UBE2U: variants seen among roughly 807,000 people sequenced by gnomAD.
UBE2U encodes ubiquitin-conjugating enzyme E2 U.
In UBE2U, 39 loss-of-function variants were observed where a neutral mutation model predicts 41.2. That is an observed-to-expected ratio of 0.95 (90% confidence interval 0.73 to 1.24). The LOEUF (loss-of-function observed/expected upper bound fraction) is 1.24, where lower values mean the gene tolerates loss of function less well. UBE2U is among the 50% of genes most tolerant of loss of function. UBE2U has a pLI of 0.00. For missense variants in UBE2U, 336 were observed against 363.1 expected (o/e 0.93, Z 0.61); for synonymous variants, 107 against 117.8 (o/e 0.91, Z 0.60).
At chr1:64,255,654 A>G (rs1287589551) in intron 8 of UBE2U, among the ~76,000 whole-genome samples, 1 of 152,002 alleles carries the variant, frequency 6.6e-6, no homozygotes, top group African/African-American at 2.4e-5. Flanking sequence ...TCACATAAAC[A>G]GAACTACTGA....
At chr1:64,233,575 C>T (rs1217341586) in intron 7 of UBE2U, among the ~76,000 whole-genome samples, 1 of 152,122 alleles carries the variant, frequency 6.6e-6, no homozygotes, top group Admixed American at 6.5e-5. Flanking sequence ...TTTATTTCTC[C>T]TCTAAGCCAC....
chr1:64,204,566 T>C (rs1651170067), intron 1 of UBE2U, among the ~76,000 whole-genome samples: 1 of 152,244 alleles, frequency 6.6e-6, no homozygotes, highest in Non-Finnish European at 1.5e-5. Context: ...TGTGTTCCAC[T>C]GCTTACTGTC....
chr1:64,239,168 A>G (rs559044792), intron 7 of UBE2U, among the ~76,000 whole-genome samples: 2,524 of 71,640 alleles, frequency 0.035, 61 homozygotes, highest in Non-Finnish European at 0.05. Flanking sequence ...AAGAAGAAGA[A>G]GAAGAAGAAG....
At chr1:64,206,706 G>A (rs973238712) in intron 2 of UBE2U, 58 bp from the exon 3 acceptor site, 4 of 1,057,262 alleles carry the variant, frequency 3.8e-6, no homozygotes, top group Non-Finnish European at 5.7e-6. Flanking sequence ...TGTTAATCAG[G>A]TTACAGTTAA....
At position 64,208,603 on chromosome 1, in the gene UBE2U, C is replaced by CAAAAAAAAA. The variant is rs56972795; in HGVS notation, c.241+1782_241+1790dup. Reference sequence around the variant, plus strand: ...TGGGCAACAGAACAAGACGCTGTCTCAAAAAAAAAAAAAAAAAAAAAAAAA... The same window carrying CAAAAAAAAA: ...TGGGCAACAGAACAAGACGCTGTCTCAAAAAAAAAAAAAAAAAAAAAAAAAAAAAAAAAA... On this transcript the variant is annotated intron_variant, in intron 3 of 9. Transcript: ENST00000371077. Among the ~76,000 whole-genome samples the CAAAAAAAAA allele has an allele frequency of 2.7e-4, 10 of 36,506 alleles. 1 individual carries two copies. Among genetic ancestry groups the CAAAAAAAAA allele is most frequent in the African/African-American group, 3.7e-4 (3 of 8,048 alleles). 23.9% of individuals were successfully genotyped at this position (36,506 alleles called of 152,430 possible). A position where few individuals can be genotyped will look rare whatever the true frequency, so the allele number is the denominator to read the frequency against.
chr1:64,249,567 A>G (rs1373805053), intron 8 of UBE2U, among the ~76,000 whole-genome samples: 2 of 151,982 alleles, frequency 1.3e-5, no homozygotes, highest in African/African-American at 2.4e-5. Flanking sequence ...AAAAACATGA[A>G]TATGATGAAA....
chr1:64,257,486 T>G (rs1645112784), intron 8 of UBE2U, among the ~76,000 whole-genome samples: 1 of 152,142 alleles, frequency 6.6e-6, no homozygotes, highest in Non-Finnish European at 1.5e-5. Context: ...TCGGAAGCCA[T>G]TATCCTCAGC....
In UBE2U at chr1:64,234,363, T is replaced by A. The variant is rs139249289; in HGVS notation, c.595+1714T>A. Among the ~76,000 whole-genome samples, 381 of 152,310 alleles carry A rather than the reference T, an allele frequency of 2.5e-3. 1 individual carries two copies. Among genetic ancestry groups the A allele is most frequent in the African/African-American group, 8.0e-3 (331 of 41,572 alleles). On this transcript the variant is annotated intron_variant, in intron 7 of 9. Coordinates refer to ENST00000371077, the MANE Select transcript of UBE2U (RefSeq NM_001366232.2). Reference sequence around the variant, plus strand: ...TCTCTTTATCTCTCTCATTAAGCCTTGTTGATTTTTATCTGCTGCAACATT... The same window carrying A: ...TCTCTTTATCTCTCTCATTAAGCCTAGTTGATTTTTATCTGCTGCAACATT...
chr1:64,247,229 C>T (rs1000339862), intron 8 of UBE2U, among the ~76,000 whole-genome samples: 1 of 152,142 alleles, frequency 6.6e-6, no homozygotes, highest in African/African-American at 2.4e-5. Flanking sequence ...CAATTTCTCT[C>T]TCCAATGTAG....
intron 8 of UBE2U, among the ~76,000 whole-genome samples, chr1:64,245,485 T>A (rs1431018610): frequency 1.3e-5 from 2 of 152,210 alleles, no homozygotes; most frequent in East Asian, 1.9e-4. Context: ...ATAAAACTTA[T>A]CAGTCCTGGT....
At chr1:64,234,448 T>C (rs954906863) in intron 7 of UBE2U, among the ~76,000 whole-genome samples, 4 of 152,228 alleles carry the variant, frequency 2.6e-5, no homozygotes, top group African/African-American at 9.6e-5. Flanking sequence ...AGTCTCTTTA[T>C]ATTTCATCTC....
intron 4 of UBE2U, 46 bp downstream of exon 4, chr1:64,210,885 C>A (rs775587685): frequency 3.7e-6 from 5 of 1,341,702 alleles, no homozygotes; most frequent in African/African-American, 1.5e-5. Context: ...CTTTTAATTA[C>A]CCTAATTATT....
In UBE2U at chr1:64,204,395, C is replaced by G. The variant is rs1165000067; in HGVS notation, c.66+279C>G. ...TCAGGGTCTGTCATGTAGTTAGTGA[C>G]TAGTAGGTGCAGGCTTATGCTCATT... is the stretch of plus-strand genomic sequence containing the variant. On this transcript the variant is annotated intron_variant, in intron 1 of 9. Coordinates refer to ENST00000371077, the MANE Select transcript of UBE2U (RefSeq NM_001366232.2). Among the ~76,000 whole-genome samples, 3 of 152,056 alleles carry G rather than the reference C, an allele frequency of 2.0e-5. No individual in the cohort carries two copies. In the East Asian group the frequency reaches 5.8e-4, roughly 29 times the overall value.
chr1:64,212,164 CA>C (rs938746398), intron 4 of UBE2U, among the ~76,000 whole-genome samples: 1 of 152,030 alleles, frequency 6.6e-6, no homozygotes, highest in Non-Finnish European at 1.5e-5. Flanking sequence ...GACATTTGAG[CA>C]AAAAATTTAA....
At chr1:64,225,879 G>A (rs1570022389) in intron 6 of UBE2U, among the ~76,000 whole-genome samples, 1 of 152,224 alleles carries the variant, frequency 6.6e-6, no homozygotes, top group African/African-American at 2.4e-5. Context: ...AAGATATGGA[G>A]TAATTGGAGC....
chr1:64,216,728 C>G (rs954231102), intron 5 of UBE2U, among the ~76,000 whole-genome samples: 2 of 152,176 alleles, frequency 1.3e-5, no homozygotes, highest in Non-Finnish European at 2.9e-5. Flanking sequence ...CGCTCATTAC[C>G]CAAACTTTTC....
chr1:64,233,429 G>T (rs1033872487), intron 7 of UBE2U, among the ~76,000 whole-genome samples: 2 of 152,124 alleles, frequency 1.3e-5, no homozygotes, highest in African/African-American at 2.4e-5. Flanking sequence ...TTTGTATAGA[G>T]CCCTGGACTG....
At chr1:64,253,686 C>A (rs1570135237) in intron 8 of UBE2U, among the ~76,000 whole-genome samples, 1 of 152,100 alleles carries the variant, frequency 6.6e-6, no homozygotes, top group Admixed American at 6.6e-5. Context: ...GAAGGAGAAA[C>A]AAGATCCTTT....
At chr1:64,240,092 G>A (rs1014453143) in intron 7 of UBE2U, among the ~76,000 whole-genome samples, 16 of 152,158 alleles carry the variant, frequency 1.1e-4, no homozygotes, top group Non-Finnish European at 1.8e-4. Context: ...GTATAGGCTT[G>A]TAATTAACCA....
Sources: gnomAD v4.1 joint callset for allele counts (sites outside exome capture counted in the v4.1 genomes callset) on GRCh38, gnomAD v4.1.1 for gene constraint, MANE v1.5 for transcripts, NCBI Gene and HGNC (gene_info 2026-07-23, HGNC 2026-07-21) for gene names.